The following LRCH1 variants were observed in gnomAD, a reference collection of about 807,000 sequenced individuals.
The protein encoded by LRCH1 is leucine rich repeats and calponin homology domain containing 1.
A neutral mutation model predicts 94.9 loss-of-function variants in LRCH1; 23 were observed. That is an observed-to-expected ratio of 0.24 (90% confidence interval 0.17 to 0.34). The LOEUF (loss-of-function observed/expected upper bound fraction) is 0.34, where lower values mean the gene tolerates loss of function less well. Among genes scored for constraint, LRCH1 ranks in the 10% least tolerant of loss-of-function variants. The pLI is 1.00. For missense variants in LRCH1, 790 were observed against 945.9 expected (o/e 0.84, Z 2.16); for synonymous variants, 364 against 354.9 (o/e 1.03, Z -0.29).
At chr13:46,587,047 G>T (rs1334114282) in intron 1 of LRCH1, among the ~76,000 whole-genome samples, 1 of 152,174 alleles carries the variant, frequency 6.6e-6, no homozygotes, top group Non-Finnish European at 1.5e-5. Flanking sequence ...GGTTTGCTAA[G>T]GATCAACTAG....
chr13:46,722,199 G>A (rs1006649843), intron 16 of LRCH1, among the ~76,000 whole-genome samples: 5 of 152,142 alleles, frequency 3.3e-5, no homozygotes, highest in Non-Finnish European at 7.3e-5. Flanking sequence ...AGTACACCAT[G>A]CAGCCTTCTA....
intron 1 of LRCH1, among the ~76,000 whole-genome samples, chr13:46,592,750 C>T (rs542348250): frequency 6.6e-6 from 1 of 152,156 alleles, no homozygotes; most frequent in Non-Finnish European, 1.5e-5. Flanking sequence ...GTTCTTTGAG[C>T]TGAAGAATGT....
intron 7 of LRCH1, among the ~76,000 whole-genome samples, chr13:46,690,503 T>G (rs1394359850): frequency 1.3e-5 from 2 of 152,184 alleles, no homozygotes; most frequent in Non-Finnish European, 2.9e-5. Flanking sequence ...AAACATTACA[T>G]AAAGAACTTC....
At chr13:46,649,912 G>A (rs2051270752) in intron 1 of LRCH1, among the ~76,000 whole-genome samples, 1 of 151,858 alleles carries the variant, frequency 6.6e-6, no homozygotes, top group Non-Finnish European at 1.5e-5. Flanking sequence ...TTGCATACTT[G>A]TCTGGTAGAA....
At chr13:46,561,258 C>T (rs1359971066) in intron 1 of LRCH1, among the ~76,000 whole-genome samples, 1 of 152,192 alleles carries the variant, frequency 6.6e-6, no homozygotes, top group East Asian at 1.9e-4. Flanking sequence ...TAATCGGGGA[C>T]AGGTTATTTG....
chr13:46,577,717 T>G (rs902913979), intron 1 of LRCH1, among the ~76,000 whole-genome samples: 1 of 152,206 alleles, frequency 6.6e-6, no homozygotes, highest in African/African-American at 2.4e-5. Context: ...TTATCACTAG[T>G]GAGCTGCTTC....
intron 1 of LRCH1, among the ~76,000 whole-genome samples, chr13:46,609,593 C>G (rs771186801): frequency 3.5e-4 from 53 of 152,120 alleles, no homozygotes; most frequent in South Asian, 2.1e-4. Context: ...ATTTATTAAC[C>G]AAATAGTAAA....
intron 9 of LRCH1, 139 bp downstream of exon 9, chr13:46,695,156 A>C: frequency 3.7e-4 from 365 of 973,834 alleles, no homozygotes; most frequent in Non-Finnish European, 5.0e-4. Flanking sequence ...CAAACATCTC[A>C]GCGCTCAGCG....
At chr13:46,703,793 GTC>G (rs1278511479) in intron 11 of LRCH1, among the ~76,000 whole-genome samples, 3 of 151,866 alleles carry the variant, frequency 2.0e-5, no homozygotes, top group African/African-American at 7.3e-5. Flanking sequence ...ACAATGTTTG[GTC>G]CCAATTATAT....
chr13:46,653,813 C>T (rs537420554), intron 2 of LRCH1, among the ~76,000 whole-genome samples: 1 of 152,048 alleles, frequency 6.6e-6, no homozygotes, highest in Admixed American at 6.5e-5. Context: ...CGGAACAAGA[C>T]CCTGTCTCAA....
At chr13:46,741,296 C>T (rs1031189863) in intron 19 of LRCH1, among the ~76,000 whole-genome samples, 4 of 152,146 alleles carry the variant, frequency 2.6e-5, no homozygotes, top group African/African-American at 7.2e-5. Context: ...AAATGTCCCA[C>T]GTGAAAATCT....
intron 1 of LRCH1, among the ~76,000 whole-genome samples, chr13:46,629,371 A>G (rs548149624): frequency 1.3e-5 from 2 of 152,350 alleles, no homozygotes; most frequent in East Asian, 1.9e-4. Context: ...TCTGATGGAA[A>G]TACACTTTAT....
intron 2 of LRCH1, among the ~76,000 whole-genome samples, chr13:46,662,505 G>A (rs116522158): frequency 8.1e-4 from 123 of 152,282 alleles, no homozygotes; most frequent in African/African-American, 2.9e-3. Context: ...TTGATTTTGA[G>A]CATTCAATTC....
chr13:46,691,569 C>T (rs569430486), intron 7 of LRCH1, among the ~76,000 whole-genome samples: 1 of 152,348 alleles, frequency 6.6e-6, no homozygotes, highest in South Asian at 2.1e-4. Context: ...AGCATGTGAC[C>T]AGCAACTGCT....
At chr13:46,619,181 C>T (rs1287887974) in intron 1 of LRCH1, among the ~76,000 whole-genome samples, 1 of 151,138 alleles carries the variant, frequency 6.6e-6, no homozygotes, top group Non-Finnish European at 1.5e-5. Context: ...ACGATCTCAG[C>T]TCACTGCAAC....
intron 11 of LRCH1, among the ~76,000 whole-genome samples, chr13:46,701,711 G>C (rs950481833): frequency 6.6e-6 from 1 of 152,142 alleles, no homozygotes; most frequent in Non-Finnish European, 1.5e-5. Flanking sequence ...ATCGATAATA[G>C]GCACTACATT....
intron 1 of LRCH1, among the ~76,000 whole-genome samples, chr13:46,607,305 CA>C (rs1002652075): frequency 6.6e-6 from 1 of 152,126 alleles, no homozygotes; most frequent in South Asian, 2.1e-4. Flanking sequence ...TGTGGTGAAC[CA>C]AAAAACCACT....
At chr13:46,673,746 A>ATTTTT (rs546225715) in intron 3 of LRCH1, among the ~76,000 whole-genome samples, 1 of 108,268 alleles carries the variant, frequency 9.2e-6, no homozygotes, top group African/African-American at 3.7e-5. Flanking sequence ...TCCAAATGGA[A>ATTTTT]TTTTTTTTTT....
chr13:46,602,780 C>T (rs2050641945), intron 1 of LRCH1, among the ~76,000 whole-genome samples: 1 of 152,084 alleles, frequency 6.6e-6, no homozygotes, highest in Admixed American at 6.6e-5. Flanking sequence ...TGGTAAAACT[C>T]CATCTCTATA....
Sources: allele counts gnomAD v4.1 joint callset (sites outside exome capture counted in the v4.1 genomes callset), GRCh38; gene constraint gnomAD v4.1.1; transcripts MANE v1.5; gene names NCBI Gene and HGNC (gene_info 2026-07-23, HGNC 2026-07-21).